Variants in PRKCA observed in about 807,000 individuals in gnomAD.
PRKCA encodes protein kinase C alpha type.
Under a neutral mutation model 87.0 loss-of-function variants are expected in PRKCA, and 27 were observed. That is an observed-to-expected ratio of 0.31 (90% confidence interval 0.23 to 0.43). The LOEUF (loss-of-function observed/expected upper bound fraction) is 0.43. Among genes scored for constraint, PRKCA ranks in the 20% least tolerant of loss-of-function variants. The pLI is 1.00. For missense variants in PRKCA, 518 were observed against 852.3 expected (o/e 0.61, Z 4.88); for synonymous variants, 329 against 311.1 (o/e 1.06, Z -0.61).
intron 2 of PRKCA, among the ~76,000 whole-genome samples, chr17:66,314,953 G>A (rs1567767669): frequency 6.6e-6 from 1 of 150,864 alleles, no homozygotes; most frequent in Non-Finnish European, 1.5e-5. Flanking sequence ...GTATGTGTAT[G>A]TATATATGTG....
At chr17:66,501,773 C>T (rs1193611488) in intron 3 of PRKCA, among the ~76,000 whole-genome samples, 2 of 152,164 alleles carry the variant, frequency 1.3e-5, no homozygotes, top group Non-Finnish European at 2.9e-5. Context: ...CCTTCTCCAC[C>T]AAATTAAGAT....
Position 66,540,136 on chromosome 17 carries a change from C to A in PRKCA, c.288+43853C>A, listed in dbSNP as rs186839913. ...TTGGGAACCCTAGGCCAGCAAACTT[C>A]GGGAAGTGTCTGTGGCAGCTTGAAT... On this transcript the variant is annotated intron_variant, in intron 3 of 16. Transcript: ENST00000413366. 3.9e-5 allele frequency among the ~76,000 whole-genome samples: 6 copies of A among 152,206 alleles called. No individual in the cohort carries two copies. The East Asian group carries it at 9.7e-4, about 25-fold the overall frequency.
At chr17:66,532,080 A>G (rs55996231) in intron 3 of PRKCA, among the ~76,000 whole-genome samples, 3,679 of 152,140 alleles carry the variant, frequency 0.024, 90 homozygotes, top group Non-Finnish European at 0.04. Context: ...TGAATTTCCA[A>G]GAGGGAACAT....
chr17:66,448,241 G>A (rs988376104), intron 2 of PRKCA, among the ~76,000 whole-genome samples: 4 of 152,154 alleles, frequency 2.6e-5, no homozygotes, highest in African/African-American at 7.2e-5. Context: ...TTAGGAAAAC[G>A]TGGATCATTA....
At chr17:66,743,391 G>T (rs1015476602) in intron 13 of PRKCA, among the ~76,000 whole-genome samples, 15 of 152,238 alleles carry the variant, frequency 9.9e-5, no homozygotes, top group Non-Finnish European at 1.6e-4. Flanking sequence ...GGAAGGCGGG[G>T]TGAGACGGGG....
intron 8 of PRKCA, among the ~76,000 whole-genome samples, chr17:66,716,985 G>C (rs987132228): frequency 7.3e-6 from 1 of 136,992 alleles, no homozygotes; most frequent in Admixed American, 7.1e-5. Flanking sequence ...CACCACCATT[G>C]TATGGCTGCA....
At chr17:66,537,521 G>T (rs1199778722) in intron 3 of PRKCA, among the ~76,000 whole-genome samples, 1 of 152,192 alleles carries the variant, frequency 6.6e-6, no homozygotes, top group Non-Finnish European at 1.5e-5. Flanking sequence ...TTCTTGGGAA[G>T]ATTTTGTATA....
intron 3 of PRKCA, among the ~76,000 whole-genome samples, chr17:66,579,374 C>T (rs9900353): frequency 0.57 from 86,706 of 151,966 alleles, 25,742 homozygotes; most frequent in African/African-American, 0.74. Context: ...CCGGAACCTG[C>T]GATCAAGATG....
At chr17:66,748,111 G>T (rs117191493) in intron 13 of PRKCA, among the ~76,000 whole-genome samples, 8 of 152,234 alleles carry the variant, frequency 5.3e-5, no homozygotes, top group Non-Finnish European at 1.0e-4. Flanking sequence ...GCTTGCAGAC[G>T]TGGTTGCCTG....
chr17:66,551,492 C>G (rs562280242), intron 3 of PRKCA, among the ~76,000 whole-genome samples: 1 of 152,226 alleles, frequency 6.6e-6, no homozygotes, highest in Non-Finnish European at 1.5e-5. Flanking sequence ...TAGGGCAGCT[C>G]GCAGCATGGT....
At chr17:66,662,840 A>G (rs1971944855) in intron 5 of PRKCA, among the ~76,000 whole-genome samples, 5 of 152,162 alleles carry the variant, frequency 3.3e-5, no homozygotes, top group Admixed American at 2.0e-4. Flanking sequence ...CTCTCTCTCC[A>G]AACACCGTAG....
chr17:66,459,206 CAA>C (rs35784459), intron 2 of PRKCA, among the ~76,000 whole-genome samples: 40 of 129,576 alleles, frequency 3.1e-4, no homozygotes, highest in African/African-American at 3.8e-4. Flanking sequence ...ATCCCTGTCT[CAA>C]AAAAAAAAAA....
At chr17:66,495,864 C>G (rs982080643) in intron 2 of PRKCA, among the ~76,000 whole-genome samples, 1 of 151,950 alleles carries the variant, frequency 6.6e-6, no homozygotes, top group African/African-American at 2.4e-5. Flanking sequence ...CCGCTGTGCC[C>G]GGCTAGGATG....
In PRKCA at chr17:66,807,447, C is replaced by T. The variant is rs1258020472; in HGVS notation, c.*3410C>T. 3.3e-5 allele frequency: 5 copies of T among 152,184 alleles called. No individual in the cohort carries two copies. Among genetic ancestry groups the T allele is most frequent in the Admixed American group, 6.5e-5 (1 of 15,282 alleles). 9.4% of individuals were successfully genotyped at this position (152,184 alleles called of 1,614,324 possible). On this transcript the variant is annotated 3_prime_UTR_variant, in exon 17 of 17. Coordinates refer to ENST00000413366, the MANE Select transcript of PRKCA (RefSeq NM_002737.3). This position sits in a 1 kb window ranked among gnomAD's most constrained non-coding sequence, Gnocchi z 4.3. The stretch of plus-strand genomic sequence containing the variant: ...AAGTCACTGGAGTGCTGCCAGGGGC[C>T]GCCCTCCAAGGTTAATGAGAGGCCC...
intron 3 of PRKCA, among the ~76,000 whole-genome samples, chr17:66,631,914 TAATG>T (rs1038950313): frequency 2.0e-5 from 3 of 152,258 alleles, no homozygotes; most frequent in African/African-American, 7.2e-5. Flanking sequence ...CTTGAGATGT[TAATG>T]AATAAGATAT....
intron 3 of PRKCA, among the ~76,000 whole-genome samples, chr17:66,498,170 A>G (rs920895173): frequency 3.7e-5 from 4 of 109,318 alleles, no homozygotes; most frequent in African/African-American, 1.4e-4. Context: ...GCCACTTTCC[A>G]TACTTCTCTT....
intron 3 of PRKCA, among the ~76,000 whole-genome samples, chr17:66,567,039 A>G (rs893360336): frequency 2.6e-5 from 4 of 152,242 alleles, no homozygotes; most frequent in South Asian, 2.1e-4. Context: ...ATATTTGTAC[A>G]TTTTCCACTG....
intron 2 of PRKCA, among the ~76,000 whole-genome samples, chr17:66,427,922 G>A (rs949199995): frequency 7.2e-5 from 11 of 152,198 alleles, no homozygotes; most frequent in Non-Finnish European, 1.0e-4. Flanking sequence ...TGCTCCAAAC[G>A]AGGACAAAGT....
chr17:66,674,464 CT>C (rs1972272431), intron 5 of PRKCA, among the ~76,000 whole-genome samples: 1 of 152,096 alleles, frequency 6.6e-6, no homozygotes, highest in South Asian at 2.1e-4. Flanking sequence ...TGGAGTGGTT[CT>C]TTTGGGTTAT....
Sources: gnomAD v4.1 joint callset for allele counts (sites outside exome capture counted in the v4.1 genomes callset) on GRCh38, gnomAD v4.1.1 for gene constraint, Gnocchi (gnomAD v3.1) non-coding constraint, MANE v1.5 for transcripts, NCBI Gene and HGNC (gene_info 2026-07-23, HGNC 2026-07-21) for gene names.